MDM4: variants seen among roughly 807,000 people sequenced by gnomAD.
MDM4 encodes the protein protein Mdm4.
In MDM4, 2 loss-of-function variants were observed where a neutral mutation model predicts 60.2. The ratio of observed to expected loss-of-function variants is 0.03; its 90% CI spans 0.01 to 0.10. MDM4 has a LOEUF of 0.10. Ranked by LOEUF, MDM4 falls within the 10% of genes least tolerant of loss-of-function variation. MDM4 has a pLI of 1.00. For missense variants in MDM4, 447 were observed against 577.5 expected (o/e 0.77, Z 2.32); for synonymous variants, 202 against 198.1 (o/e 1.02, Z -0.17).
chr1:204,526,686 G>C (rs1660204371), intron 3 of MDM4, among the ~76,000 whole-genome samples: 1 of 151,990 alleles, frequency 6.6e-6, no homozygotes, highest in Admixed American at 6.6e-5. Context: ...GATGGTCTCA[G>C]TCTCCTGACC....
At chr1:204,523,503 C>CTTTTTT (rs1558310755) in intron 1 of MDM4, among the ~76,000 whole-genome samples, 1 of 82,002 alleles carries the variant, frequency 1.2e-5, no homozygotes, top group Admixed American at 1.6e-4. Flanking sequence ...TTTTTTTTTG[C>CTTTTTT]GACAGGGTAT....
rs906202847 is a variant in MDM4 at position 204,553,512 on chromosome 1, T to C, written c.*3830T>C. ...TAGGTAAGCCTTGTTCGAGTTGATA[T>C]CTTGATTGTGAGGAAGGATCTGTGT... On this transcript the variant is annotated 3_prime_UTR_variant, in exon 11 of 11. Coordinates refer to ENST00000367182, the MANE Select transcript of MDM4 (RefSeq NM_002393.5). 4 of 226,634 alleles carry C rather than the reference T, an allele frequency of 1.8e-5. No individual in the cohort carries two copies. Among genetic ancestry groups the C allele is most frequent in the Admixed American group, 1.1e-4 (2 of 17,550 alleles). The allele number at this position is 226,634 out of a possible 1,614,324, so 14.0% of individuals were successfully genotyped here.
At position 204,556,223 on chromosome 1, in the gene MDM4, T is replaced by C. The variant is rs1304004342; in HGVS notation, c.*6541T>C. 1 of 225,512 alleles carries C rather than the reference T, an allele frequency of 4.4e-6. No individual in the cohort carries two copies. The highest frequency in any genetic ancestry group is 2.2e-5 in the African/African-American group (1 of 44,942). The allele number at this position is 225,512 out of a possible 1,614,324, so 14.0% of individuals were successfully genotyped here. A position where few individuals can be genotyped will look rare whatever the true frequency, so the allele number is the denominator to read the frequency against. ...ATCAGCCCTTGTAACTACAGTATCT[T>C]TAGATAAGATTCCTCTTTCCAGTCA... On this transcript the variant is annotated 3_prime_UTR_variant, in exon 11 of 11. Coordinates refer to ENST00000367182, the MANE Select transcript of MDM4 (RefSeq NM_002393.5).
intron 5 of MDM4, chr1:204,532,499 T>C: frequency 3.6e-6 from 2 of 555,690 alleles, no homozygotes; most frequent in Non-Finnish European, 6.3e-6. Flanking sequence ...AGACACACTT[T>C]TAAAAATCTC....
intron 1 of MDM4, among the ~76,000 whole-genome samples, chr1:204,522,863 C>CTT (rs10711972): frequency 7.1e-6 from 1 of 141,416 alleles, no homozygotes; most frequent in Non-Finnish European, 1.5e-5. Flanking sequence ...TACTGATTGT[C>CTT]TTTTTTTTTT....
At chr1:204,537,399 A>G (rs781412047) in intron 5 of MDM4, 31 bp from the exon 6 acceptor site, 1 of 1,567,182 alleles carries the variant, frequency 6.4e-7, no homozygotes, top group South Asian at 1.1e-5. Flanking sequence ...TTACCAGGGA[A>G]GGTTTTCCTT....
Position 204,538,288 on chromosome 1 carries a change from A to G in MDM4, c.491A>G (p.Lys164Arg), listed in dbSNP as rs755791990. The change falls in exon 7 of 11, where the codon AAA (lysine) becomes AGA (arginine). Residue 164 changes from lysine (K) to arginine (R), a missense_variant. By Grantham distance (26) the Lys-to-Arg change is conservative (BLOSUM62 2). Transcript: ENST00000367182. ...CCCACACTGCCTACCTCAGAGCATA[A>G]ATGCATACATTCTAGAGAAGGTATG... is the stretch of plus-strand genomic sequence containing the variant. Reference protein sequence around the residue: ...DIPTLPTSEHKCIHSREDEDL... With the variant: ...DIPTLPTSEHRCIHSREDEDL... 6.3e-7 allele frequency: 1 copy of G among 1,592,274 alleles called. No homozygotes were observed. Among genetic ancestry groups the G allele is most frequent in the Non-Finnish European group, 8.6e-7 (1 of 1,160,170 alleles).
intron 1 of MDM4, among the ~76,000 whole-genome samples, chr1:204,520,956 A>G (rs569877609): frequency 2.3e-4 from 35 of 152,196 alleles, no homozygotes; most frequent in Non-Finnish European, 3.2e-4. Flanking sequence ...GTCTTGAATA[A>G]AAGAGTTATG....
At chr1:204,536,002 C>T (rs1661373756) in intron 5 of MDM4, among the ~76,000 whole-genome samples, 2 of 151,892 alleles carry the variant, frequency 1.3e-5, no homozygotes, top group Admixed American at 1.3e-4. Flanking sequence ...TGGCTCATGC[C>T]TGTAATCCCA....
At chr1:204,520,048 C>T (rs947559455) in intron 1 of MDM4, among the ~76,000 whole-genome samples, 6 of 152,072 alleles carry the variant, frequency 3.9e-5, no homozygotes, top group Admixed American at 6.5e-5. Flanking sequence ...GAGGCCGAGG[C>T]GGGCGGATCA....
In MDM4 at chr1:204,550,796, A is replaced by C. The variant is rs1663132128; in HGVS notation, c.*1114A>C. ...TGATTCCCCCGCCTCAGCCTCCCAA[A>C]GTGTTGGGCTTACAGCCTTGAGCCA... On this transcript the variant is annotated 3_prime_UTR_variant, in exon 11 of 11. Coordinates refer to ENST00000367182, the MANE Select transcript of MDM4 (RefSeq NM_002393.5). 5.7e-6 allele frequency: 1 copy of C among 176,828 alleles called. No homozygotes were observed. The highest frequency in any genetic ancestry group is 2.0e-4 in the South Asian group (1 of 5,032). The allele number at this position is 176,828 out of a possible 1,614,324, so 11.0% of individuals were successfully genotyped here. A position where few individuals can be genotyped will look rare whatever the true frequency, so the allele number is the denominator to read the frequency against.
At chr1:204,544,727 C>A in intron 9 of MDM4, 43 bp downstream of exon 9, 1 of 1,566,414 alleles carries the variant, frequency 6.4e-7, no homozygotes, top group South Asian at 1.1e-5. Context: ...TTTGTGTGCT[C>A]ATAGTATCAT....
intron 4 of MDM4, among the ~76,000 whole-genome samples, chr1:204,531,654 A>G (rs1660863922): frequency 1.3e-5 from 2 of 152,016 alleles, no homozygotes. Context: ...ACATAAGTGA[A>G]ACGCCGTCTC....
chr1:204,543,451 C>T (rs765096651), intron 8 of MDM4, among the ~76,000 whole-genome samples: 19 of 152,224 alleles, frequency 1.2e-4, no homozygotes, highest in African/African-American at 4.3e-4. Context: ...TCACTACATG[C>T]GTTTTGGATA....
intron 5 of MDM4, chr1:204,532,639 C>T: frequency 6.2e-6 from 5 of 805,586 alleles, no homozygotes; most frequent in South Asian, 2.1e-5. Context: ...TCAAAAATAC[C>T]TTGTATTTTT....
intron 1 of MDM4, 138 bp from the exon 2 acceptor site, chr1:204,525,346 G>C: frequency 1.5e-6 from 2 of 1,375,514 alleles, no homozygotes; most frequent in Non-Finnish European, 1.9e-6. Flanking sequence ...CCTCAGCAAG[G>C]GTATACAGCA....
At chr1:204,529,195 G>T in intron 3 of MDM4, 1 of 768,814 alleles carries the variant, frequency 1.3e-6, no homozygotes, top group Non-Finnish European at 2.3e-6. Flanking sequence ...TATGTGGCCT[G>T]ATTAGGTCTT....
chr1:204,528,347 G>T (rs1323272138), intron 3 of MDM4, among the ~76,000 whole-genome samples: 1 of 152,160 alleles, frequency 6.6e-6, no homozygotes, highest in Non-Finnish European at 1.5e-5. Flanking sequence ...GGATTTATGG[G>T]TGTGATGGAA....
In MDM4 at chr1:204,551,979, TA is replaced by T. The variant is rs35918019; in HGVS notation, c.*2317del. The stretch of plus-strand genomic sequence containing the variant: ...CTAACACTAACAATAGCTGATGAGC[TA>T]AAAAAAAAAAAAAAAAAAATCGTGG... On this transcript the variant is annotated 3_prime_UTR_variant, in exon 11 of 11. Transcript: ENST00000367182. 75,394 of 136,714 alleles carry T rather than the reference TA, an allele frequency of 0.55. 21,046 individuals are homozygous for T. The highest frequency in any genetic ancestry group is 0.65 in the Non-Finnish European group (43,884 of 67,236). The allele number at this position is 136,714 out of a possible 1,614,324, so 8.5% of individuals were successfully genotyped here. A position where few individuals can be genotyped will look rare whatever the true frequency, so the allele number is the denominator to read the frequency against.
Sources: gnomAD v4.1 joint callset for allele counts (sites outside exome capture counted in the v4.1 genomes callset) on GRCh38, gnomAD v4.1.1 for gene constraint, MANE v1.5 for transcripts, NCBI Gene and HGNC (gene_info 2026-07-23, HGNC 2026-07-21) for gene names.